LRP1B: variants seen among roughly 807,000 people sequenced by gnomAD.
LRP1B encodes the protein low-density lipoprotein receptor-related protein 1B.
Under a neutral mutation model 556.6 loss-of-function variants are expected in LRP1B, and 217 were observed. The observed-to-expected ratio is 0.39, with a 90% CI of 0.35 to 0.44. The LOEUF (loss-of-function observed/expected upper bound fraction) is 0.44, where lower values mean the gene tolerates loss of function less well. Ranked by LOEUF, LRP1B falls within the 20% of genes least tolerant of loss-of-function variation. The probability of loss-of-function intolerance (pLI) is 1.00; values close to 1 mark genes in which losing one functional copy is unlikely to be tolerated. For synonymous variants in LRP1B, 2,047 were observed against 1,865.8 expected, an observed-to-expected ratio of 1.10 and a Z score of -2.50; for missense variants, 5,053 against 5,620.8, an observed-to-expected ratio of 0.90 and a Z score of 3.23.
intron 2 of LRP1B, among the ~76,000 whole-genome samples, chr2:141,514,669 A>G (rs1684248855): frequency 6.6e-6 from 1 of 152,196 alleles, no homozygotes; most frequent in African/African-American, 2.4e-5. Flanking sequence ...TTATAAGTCA[A>G]AATTGCATTT....
At chr2:141,803,725 A>G (rs1696085640) in intron 2 of LRP1B, among the ~76,000 whole-genome samples, 1 of 152,042 alleles carries the variant, frequency 6.6e-6, no homozygotes, top group Non-Finnish European at 1.5e-5. Flanking sequence ...TTATTCTACT[A>G]TATAATTTTA....
At chr2:141,207,919 ACC>A (rs1682355378) in intron 6 of LRP1B, among the ~76,000 whole-genome samples, 1 of 152,138 alleles carries the variant, frequency 6.6e-6, no homozygotes, top group Non-Finnish European at 1.5e-5. Flanking sequence ...CAGATGATCC[ACC>A]CACCTCAGTC....
At chr2:140,257,244 A>C (rs1681735165) in intron 86 of LRP1B, among the ~76,000 whole-genome samples, 1 of 152,204 alleles carries the variant, frequency 6.6e-6, no homozygotes, top group Non-Finnish European at 1.5e-5. Context: ...TGTTATAAAC[A>C]TCTGAAATAT....
chr2:140,725,763 T>C (rs898170199), intron 35 of LRP1B, among the ~76,000 whole-genome samples: 3 of 152,156 alleles, frequency 2.0e-5, no homozygotes, highest in African/African-American at 7.2e-5. Flanking sequence ...TGGGGTTCAG[T>C]GGCAGTTTCA....
chr2:140,599,439 C>T (rs1240610338), intron 42 of LRP1B, among the ~76,000 whole-genome samples: 1 of 151,912 alleles, frequency 6.6e-6, no homozygotes, highest in African/African-American at 2.4e-5. Flanking sequence ...CTCTTAAATC[C>T]TTCAGCATAG....
At chr2:141,764,974 A>T (rs1480369953) in intron 2 of LRP1B, among the ~76,000 whole-genome samples, 2 of 152,140 alleles carry the variant, frequency 1.3e-5, no homozygotes, top group Admixed American at 6.5e-5. Flanking sequence ...ATATTATTGA[A>T]GCTGGCTGCA....
intron 41 of LRP1B, among the ~76,000 whole-genome samples, chr2:140,635,090 C>G (rs1342189282): frequency 1.3e-5 from 2 of 151,994 alleles, no homozygotes; most frequent in Non-Finnish European, 2.9e-5. Context: ...CTATAAATCT[C>G]AAATTAATTC....
intron 80 of LRP1B, among the ~76,000 whole-genome samples, chr2:140,324,477 C>T (rs1321057623): frequency 6.6e-6 from 1 of 152,012 alleles, no homozygotes; most frequent in Non-Finnish European, 1.5e-5. Flanking sequence ...GCCCAAATGA[C>T]TGGTTTATTA....
At chr2:141,629,364 AC>A (rs970020481) in intron 2 of LRP1B, among the ~76,000 whole-genome samples, 1 of 151,810 alleles carries the variant, frequency 6.6e-6, no homozygotes, top group Non-Finnish European at 1.5e-5. Context: ...AAAGAGCTAA[AC>A]CCCCCTACAC....
chr2:141,916,745 C>T (rs754339690), intron 1 of LRP1B, among the ~76,000 whole-genome samples: 6 of 151,788 alleles, frequency 4.0e-5, no homozygotes, highest in South Asian at 2.1e-4. Context: ...AAGATGGCAA[C>T]GATAGACACT....
chr2:141,048,301 T>C (rs921726683), intron 11 of LRP1B, among the ~76,000 whole-genome samples: 1 of 152,046 alleles, frequency 6.6e-6, no homozygotes, highest in Non-Finnish European at 1.5e-5. Context: ...ATTTATTATT[T>C]GCAATCTTTT....
intron 41 of LRP1B, among the ~76,000 whole-genome samples, chr2:140,625,845 C>A (rs1054838740): frequency 6.6e-6 from 1 of 152,158 alleles, no homozygotes; most frequent in African/African-American, 2.4e-5. Context: ...TATACTCTCA[C>A]CATATGATCC....
intron 9 of LRP1B, among the ~76,000 whole-genome samples, chr2:141,058,113 G>A (rs1699233814): frequency 6.6e-6 from 1 of 151,774 alleles, no homozygotes; most frequent in Non-Finnish European, 1.5e-5. Context: ...ATAGTAGATT[G>A]TCCATGAAAA....
intron 74 of LRP1B, 144 bp downstream of exon 74, chr2:140,357,835 T>A: frequency 1.1e-6 from 1 of 883,872 alleles, no homozygotes; most frequent in Non-Finnish European, 1.7e-6. Context: ...TATTCTAATG[T>A]TGCTTTGGCA....
At chr2:140,769,042 AG>A (rs1415756934) in intron 35 of LRP1B, among the ~76,000 whole-genome samples, 170 bp downstream of exon 35, 1 of 148,132 alleles carries the variant, frequency 6.8e-6, no homozygotes, top group Non-Finnish European at 1.5e-5. Flanking sequence ...TTTTTTTTTC[AG>A]ACACTACACA....
At chr2:141,427,956 C>G (rs771783363) in intron 3 of LRP1B, among the ~76,000 whole-genome samples, 12 of 152,110 alleles carry the variant, frequency 7.9e-5, no homozygotes, top group Non-Finnish European at 1.6e-4. Flanking sequence ...TCTAAGAGTA[C>G]TTTTCACTAC....
chr2:140,671,587 T>G (rs1685487691), intron 41 of LRP1B, among the ~76,000 whole-genome samples: 1 of 152,194 alleles, frequency 6.6e-6, no homozygotes, highest in Non-Finnish European at 1.5e-5. Flanking sequence ...ACATGCACAT[T>G]CCTTGGCCTC....
intron 75 of LRP1B, among the ~76,000 whole-genome samples, chr2:140,354,819 T>TTC (rs1351390685): frequency 2.6e-5 from 4 of 152,016 alleles, no homozygotes; most frequent in African/African-American, 9.7e-5. Context: ...TCTTCCACCA[T>TTC]TCCTCTTTAC....
At chr2:141,354,221 G>T (rs1688543747) in intron 3 of LRP1B, among the ~76,000 whole-genome samples, 1 of 151,928 alleles carries the variant, frequency 6.6e-6, no homozygotes, top group Admixed American at 6.6e-5. Flanking sequence ...AGTTAAAAAA[G>T]AAATGCAAAT....
Sources: gnomAD v4.1 joint callset for allele counts (sites outside exome capture counted in the v4.1 genomes callset) on GRCh38, gnomAD v4.1.1 for gene constraint, MANE v1.5 for transcripts, NCBI Gene and HGNC (gene_info 2026-07-23, HGNC 2026-07-21) for gene names.